DOCK4: variants seen among roughly 807,000 people sequenced by gnomAD.
DOCK4 encodes dedicator of cytokinesis 4, also known as dedicator of cytokinesis protein 4.
A neutral mutation model predicts 268.1 loss-of-function variants in DOCK4; 97 were observed. The ratio of observed to expected loss-of-function variants is 0.36; its 90% confidence interval spans 0.31 to 0.43. The LOEUF (loss-of-function observed/expected upper bound fraction) is 0.43, where lower values mean the gene tolerates loss of function less well. Among genes scored for constraint, DOCK4 ranks in the 20% least tolerant of loss-of-function variants. The pLI, the probability that DOCK4 is intolerant of heterozygous loss-of-function variation, is 1.00. For synonymous variants in DOCK4, 954 were observed against 887.2 expected, an observed-to-expected ratio of 1.08 and a Z score of -1.34; for missense variants, 2,145 against 2,455.7, an observed-to-expected ratio of 0.87 and a Z score of 2.67.
At chr7:112,043,713 T>C (rs184106506) in intron 1 of DOCK4, among the ~76,000 whole-genome samples, 7 of 152,048 alleles carry the variant, frequency 4.6e-5, no homozygotes, top group Non-Finnish European at 1.0e-4. Flanking sequence ...TAGAGGGGAT[T>C]TGAGAATATT....
At chr7:112,063,262 G>T (rs937181044) in intron 1 of DOCK4, among the ~76,000 whole-genome samples, 2 of 152,194 alleles carry the variant, frequency 1.3e-5, no homozygotes, top group Admixed American at 1.3e-4. Flanking sequence ...GTCGGTACTT[G>T]CTATACACCA....
chr7:111,751,565 C>T (rs1323049512), intron 42 of DOCK4, among the ~76,000 whole-genome samples: 1 of 152,022 alleles, frequency 6.6e-6, no homozygotes. Flanking sequence ...CTGCTTCAGC[C>T]TCCTGAGAAG....
At chr7:111,839,067 G>C (rs368092113) in intron 25 of DOCK4, among the ~76,000 whole-genome samples, 1 of 152,148 alleles carries the variant, frequency 6.6e-6, no homozygotes, top group Non-Finnish European at 1.5e-5. Context: ...AGGTTCCACA[G>C]CTTGAGAATT....
intron 8 of DOCK4, among the ~76,000 whole-genome samples, chr7:111,957,339 T>C (rs756473318): frequency 2.0e-5 from 3 of 152,162 alleles, no homozygotes; most frequent in Non-Finnish European, 2.9e-5. Flanking sequence ...TTGGGCACCA[T>C]ACAAAAGGAT....
chr7:111,817,622 T>C (rs1274385573), intron 27 of DOCK4, among the ~76,000 whole-genome samples: 1 of 152,216 alleles, frequency 6.6e-6, no homozygotes, highest in Non-Finnish European at 1.5e-5. Flanking sequence ...TGGGCTGGCA[T>C]ACCTAGCAAC....
chr7:111,760,732 T>C (rs888047464), intron 39 of DOCK4, among the ~76,000 whole-genome samples: 3 of 135,664 alleles, frequency 2.2e-5, no homozygotes, highest in Admixed American at 8.1e-5. Context: ...ATTTGTTGTC[T>C]GCTTTTTGTG....
chr7:111,865,707 A>C (rs1393666021), intron 22 of DOCK4, among the ~76,000 whole-genome samples: 2 of 152,238 alleles, frequency 1.3e-5, no homozygotes, highest in African/African-American at 2.4e-5. Context: ...GCCTCACCCA[A>C]TCACATGAGC....
intron 44 of DOCK4, among the ~76,000 whole-genome samples, chr7:111,745,683 TAAAAAAAAAAA>T (rs781530065): frequency 6.0e-5 from 3 of 49,614 alleles, no homozygotes; most frequent in African/African-American, 9.1e-5. Context: ...GACTCCGTCT[TAAAAAAAAAAA>T]AAAAAAAAAA....
chr7:111,799,687 C>T (rs1395339164), intron 30 of DOCK4, among the ~76,000 whole-genome samples: 1 of 152,186 alleles, frequency 6.6e-6, no homozygotes, highest in Non-Finnish European at 1.5e-5. Flanking sequence ...GGCTATTCAT[C>T]TTAATCCCAC....
At chr7:112,105,831 G>A (rs937206697) in intron 1 of DOCK4, among the ~76,000 whole-genome samples, 2 of 151,878 alleles carry the variant, frequency 1.3e-5, no homozygotes, top group African/African-American at 4.8e-5. Context: ...TGGGACTATA[G>A]GCATAAGCCA....
intron 1 of DOCK4, among the ~76,000 whole-genome samples, chr7:112,013,700 G>C (rs767141541): frequency 6.6e-6 from 1 of 152,240 alleles, no homozygotes; most frequent in African/African-American, 2.4e-5. Flanking sequence ...AACAGGTTTT[G>C]TATGAGCAAT....
intron 24 of DOCK4, 99 bp from the exon 25 acceptor site, chr7:111,844,996 AT>A: frequency 6.8e-7 from 1 of 1,465,688 alleles, no homozygotes; most frequent in Non-Finnish European, 9.1e-7. Context: ...AACTTGAGGC[AT>A]GGATTTCACC....
intron 10 of DOCK4, among the ~76,000 whole-genome samples, chr7:111,944,271 A>G (rs1795438353): frequency 6.6e-6 from 1 of 152,202 alleles, no homozygotes; most frequent in South Asian, 2.1e-4. Context: ...TTAGACAGGC[A>G]TATTTATTTT....
intron 1 of DOCK4, among the ~76,000 whole-genome samples, chr7:112,122,118 C>T (rs187865729): frequency 4.3e-4 from 66 of 152,094 alleles, no homozygotes; most frequent in African/African-American, 1.6e-3. Context: ...ATAGATCTTA[C>T]CCTGTCTTTT....
intron 1 of DOCK4, among the ~76,000 whole-genome samples, chr7:112,153,442 T>C (rs1816290824): frequency 6.6e-6 from 1 of 152,214 alleles, no homozygotes; most frequent in South Asian, 2.1e-4. Context: ...TTAATGTTCC[T>C]ATGAAGGGAG....
chr7:112,012,100 A>T (rs1421217849), intron 1 of DOCK4, among the ~76,000 whole-genome samples: 2 of 152,074 alleles, frequency 1.3e-5, no homozygotes, highest in Non-Finnish European at 2.9e-5. Context: ...GTGTAAGTAA[A>T]TATGAAATAA....
intron 23 of DOCK4, among the ~76,000 whole-genome samples, chr7:111,848,129 TTGTC>T (rs1362799860): frequency 6.6e-6 from 1 of 152,240 alleles, no homozygotes; most frequent in African/African-American, 2.4e-5. Context: ...CTTCTATCCT[TTGTC>T]TGTAAATTCA....
intron 39 of DOCK4, among the ~76,000 whole-genome samples, chr7:111,763,971 T>C (rs1002980667): frequency 6.6e-6 from 1 of 152,206 alleles, no homozygotes; most frequent in African/African-American, 2.4e-5. Context: ...GATTACAGTG[T>C]GCCACTGTGC....
chr7:112,061,624 A>T (rs1328807675), intron 1 of DOCK4, among the ~76,000 whole-genome samples: 2 of 152,048 alleles, frequency 1.3e-5, no homozygotes, highest in African/African-American at 2.4e-5. Context: ...ATAAAAAAAA[A>T]CTCTTAAACA....
Sources: gnomAD v4.1 joint callset for allele counts (sites outside exome capture counted in the v4.1 genomes callset) on GRCh38, gnomAD v4.1.1 for gene constraint, MANE v1.5 for transcripts, NCBI Gene and HGNC (gene_info 2026-07-23, HGNC 2026-07-21) for gene names.